Variants in MANBA observed in about 807,000 individuals in gnomAD.
MANBA encodes beta-mannosidase.
Under a neutral mutation model 111.1 loss-of-function variants are expected in MANBA, and 83 were observed. That is an observed-to-expected ratio of 0.75 (90% CI 0.63 to 0.90). MANBA has a LOEUF of 0.90. Ranked by LOEUF, MANBA falls within the 40% of genes least tolerant of loss-of-function variation. The probability of loss-of-function intolerance (pLI) is 0.00; values close to 1 mark genes in which losing one functional copy is unlikely to be tolerated. For missense variants in MANBA, 1,036 were observed against 1,069.0 expected (o/e 0.97, Z 0.43); for synonymous variants, 370 against 378.7 (o/e 0.98, Z 0.27).
chr4:102,638,935 C>T (rs1244496694), intron 14 of MANBA, among the ~76,000 whole-genome samples: 3 of 152,208 alleles, frequency 2.0e-5, no homozygotes, highest in Non-Finnish European at 4.4e-5. Flanking sequence ...CAAAAAGAAC[C>T]TCACCCAACC....
intron 7 of MANBA, among the ~76,000 whole-genome samples, chr4:102,680,458 A>T (rs377485592): frequency 6.8e-4 from 103 of 152,310 alleles, no homozygotes; most frequent in South Asian, 3.3e-3. Flanking sequence ...TTAACTTTTC[A>T]AAATTTTTCT....
chr4:102,728,387 C>G (rs1487481759), intron 1 of MANBA: 1 of 515,522 alleles, frequency 1.9e-6, no homozygotes. Context: ...CTTAGCCAGG[C>G]TGTTTTCCTG....
chr4:102,698,794 G>A (rs1454412079), intron 5 of MANBA, among the ~76,000 whole-genome samples: 1 of 150,800 alleles, frequency 6.6e-6, no homozygotes, highest in Admixed American at 6.6e-5. Context: ...GTAGTGTGAT[G>A]CCTCCAGCTT....
chr4:102,647,658 C>G (rs569555331), intron 13 of MANBA, among the ~76,000 whole-genome samples: 29 of 152,128 alleles, frequency 1.9e-4, no homozygotes, highest in African/African-American at 7.0e-4. Context: ...AAGTGCAACA[C>G]TTTTCAAGGG....
At chr4:102,669,088 A>C in intron 9 of MANBA, 39 bp from the exon 10 acceptor site, 2 of 1,421,644 alleles carry the variant, frequency 1.4e-6, no homozygotes, top group Non-Finnish European at 2.0e-6. Context: ...CACTTCCATA[A>C]GTTTTATTAC....
intron 1 of MANBA, among the ~76,000 whole-genome samples, chr4:102,759,162 A>C (rs1393101415): frequency 1.4e-5 from 2 of 147,016 alleles, no homozygotes; most frequent in African/African-American, 5.1e-5. Flanking sequence ...TAGAGATAGA[A>C]TCTCTCTATG....
intron 4 of MANBA, among the ~76,000 whole-genome samples, chr4:102,716,696 AAGCTATAAGTTC>A (rs1185066515): frequency 1.3e-5 from 2 of 152,250 alleles, no homozygotes; most frequent in African/African-American, 4.8e-5. Flanking sequence ...AAAATGTGTA[AAGCTATAAGTTC>A]AGCTTTTAAA....
In MANBA at chr4:102,671,326, A is replaced by G; in HGVS notation, c.1185T>C (p.Tyr395=). ...NTLRVWGGGI[Y]EQDEFYELCD... The stretch of plus-strand genomic sequence containing the variant: ...AGAGTTCATAGAATTCATCCTGCTC[A>G]TAAATTCCTCCTCCCCAAACCCGAA... Residue 395 remains tyrosine, a synonymous_variant, in exon 9 of 17, where the codon TAT becomes TAC. Coordinates refer to ENST00000647097, the MANE Select transcript of MANBA (RefSeq NM_005908.4). The G allele has an allele frequency of 6.2e-7, 1 of 1,606,460 alleles. No homozygotes were observed. The highest frequency in any genetic ancestry group is 1.1e-5 in the South Asian group (1 of 90,906).
chr4:102,671,108 T>C (rs1052886974), intron 9 of MANBA, 173 bp downstream of exon 9: 2 of 551,860 alleles, frequency 3.6e-6, no homozygotes, highest in Non-Finnish European at 3.3e-6. Context: ...TAAATAATTA[T>C]GGTAGTTGAT....
chr4:102,640,801 T>C (rs1052318880), intron 13 of MANBA, among the ~76,000 whole-genome samples: 2 of 152,150 alleles, frequency 1.3e-5, no homozygotes, highest in Non-Finnish European at 2.9e-5. Flanking sequence ...AACCTTTAAA[T>C]AGAGGAAGGC....
chr4:102,712,929 G>C (rs983423282), intron 5 of MANBA, among the ~76,000 whole-genome samples: 1 of 152,132 alleles, frequency 6.6e-6, no homozygotes, highest in Non-Finnish European at 1.5e-5. Context: ...GATTTTAGTA[G>C]CGAAAATCTT....
At chr4:102,734,318 G>A (rs17033230) in intron 1 of MANBA, 27,212 of 1,577,514 alleles carry the variant, frequency 0.017, 1,077 homozygotes, top group African/African-American at 0.16. Flanking sequence ...CTGAAGAGTG[G>A]TGAGTCAGAA....
At chr4:102,733,657 G>C (rs547366212) in intron 1 of MANBA, among the ~76,000 whole-genome samples, 2 of 152,266 alleles carry the variant, frequency 1.3e-5, no homozygotes, top group East Asian at 3.9e-4. Flanking sequence ...CACCACACTG[G>C]CCGGTTCTCT....
chr4:102,690,762 G>A lies in MANBA; in HGVS notation c.683C>T (p.Ala228Val), dbSNP rs767233763. ...CTCTATTTCCAGATTCCACTCCTGG[G>A]CACTCTTATCTAAAATATAAAAAGA... Reference protein sequence around the residue: ...FTFSPIYDKSAQEWNLEIEST... With the variant: ...FTFSPIYDKSVQEWNLEIEST... The change falls in exon 6 of 17, where the codon GCC becomes GTC. Residue 228 changes from alanine (A) to valine (V), a missense_variant. Transcript: ENST00000647097. The A allele has an allele frequency of 8.0e-5, 121 of 1,509,204 alleles. No individual in the cohort carries two copies. The East Asian group carries it at 2.9e-3, about 36-fold the overall frequency. 93.5% of individuals were successfully genotyped at this position (1,509,204 alleles called of 1,614,324 possible). A position where few individuals can be genotyped will look rare whatever the true frequency, so the allele number is the denominator to read the frequency against.
intron 4 of MANBA, among the ~76,000 whole-genome samples, chr4:102,719,637 C>T (rs1722486499): frequency 6.6e-6 from 1 of 152,152 alleles, no homozygotes; most frequent in Non-Finnish European, 1.5e-5. Context: ...ATAGATATCA[C>T]CACTCTACTT....
intron 6 of MANBA, among the ~76,000 whole-genome samples, chr4:102,690,024 C>G (rs28698710): frequency 1.3e-5 from 2 of 152,106 alleles, no homozygotes; most frequent in African/African-American, 2.4e-5. Context: ...ACTCTTCTTT[C>G]AAGCCAAAAA....
chr4:102,632,213 A>C lies in MANBA; in HGVS notation c.2484T>G (p.Val828=). 1.9e-6 allele frequency: 3 copies of C among 1,613,880 alleles called. No homozygotes were observed. The highest frequency in any genetic ancestry group is 1.7e-6 in the Non-Finnish European group (2 of 1,179,760). The change falls in exon 17 of 17, where the codon GTT becomes GTG. Residue 828 remains valine, a synonymous_variant. Transcript: ENST00000647097. ...DLETSAVAPF[V]WLDVGSIPGR... ...CTGGGATGCTTCCTACATCCAACCA[A>C]ACAAAGGGAGCGACAGCTGAGGTCT...
intron 14 of MANBA, 135 bp downstream of exon 14, chr4:102,639,578 G>C: frequency 8.3e-7 from 1 of 1,210,652 alleles, no homozygotes. Context: ...TTCCTAGGCA[G>C]GCTTTTTAAA....
chr4:102,749,791 T>C (rs770488021), intron 1 of MANBA, among the ~76,000 whole-genome samples: 1 of 152,176 alleles, frequency 6.6e-6, no homozygotes, highest in Non-Finnish European at 1.5e-5. Flanking sequence ...ATAAAATAAA[T>C]GTTACATGAA....
Sources: allele counts gnomAD v4.1 joint callset (sites outside exome capture counted in the v4.1 genomes callset), GRCh38; gene constraint gnomAD v4.1.1; transcripts MANE v1.5; gene names NCBI Gene and HGNC (gene_info 2026-07-23, HGNC 2026-07-21).